Variants in ASPM observed in about 807,000 individuals in gnomAD.
ASPM encodes abnormal spindle-like microcephaly-associated protein.
In ASPM, 256 loss-of-function variants were observed where a neutral mutation model predicts 366.4. That is an observed-to-expected ratio of 0.70 (90% CI 0.63 to 0.77). ASPM has a LOEUF of 0.77. ASPM is among the 30% of genes least tolerant of loss of function. ASPM has a pLI of 0.00. For missense variants in ASPM, 4,146 were observed against 4,090.4 expected, an observed-to-expected ratio of 1.01 and a Z score of -0.37; for synonymous variants, 1,414 against 1,342.9, an observed-to-expected ratio of 1.05 and a Z score of -1.16.
rs764346876 is a variant in ASPM, at chr1:197,103,773, T to G, written c.5478A>C (p.Ile1826=). 60 of 1,612,854 alleles carry G rather than the reference T, an allele frequency of 3.7e-5. No homozygotes were observed. In the East Asian group the frequency reaches 1.3e-3, roughly 34 times the overall value. Residue 1826 remains isoleucine (I), a synonymous_variant, in exon 18 of 28, where the codon ATA becomes ATC. Coordinates refer to ENST00000367409, the MANE Select transcript of ASPM (RefSeq NM_018136.5). ...AAGCAGACTGAATTTTAAGAGCAGC[T>G]ATAGATTGTTGTTTGATTAGCTGGC... ...KVRQLIKQQS[I]AALKIQSAFR...
At chr1:197,106,337 G>C (rs1233141704) in intron 17 of ASPM, among the ~76,000 whole-genome samples, 1 of 152,020 alleles carries the variant, frequency 6.6e-6, no homozygotes. Context: ...TCCAACAACA[G>C]TCAAACTTAT....
rs1307251500 is a variant in ASPM, at chr1:197,142,999, T to C, written c.1253A>G (p.Glu418Gly). The change falls in exon 3 of 28, where the codon GAA becomes GGA. Residue 418 changes from glutamate (E) to glycine (G), a missense_variant. Glu to Gly is a moderately conservative substitution (Grantham distance 98, BLOSUM62 -2). Coordinates refer to ENST00000367409, the MANE Select transcript of ASPM (RefSeq NM_018136.5). Reference sequence around the variant, plus strand: ...AGGAGACTGTGGGACTTGAGAATTTTCATTTGATAATGGTACTTTACATGT... The same window carrying C: ...AGGAGACTGTGGGACTTGAGAATTTCCATTTGATAATGGTACTTTACATGT... Reference protein sequence around the residue: ...QQTCKVPLSNENSQVPQSPED... With the variant: ...QQTCKVPLSNGNSQVPQSPED... 1 of 1,613,864 alleles carries C rather than the reference T, an allele frequency of 6.2e-7. No individual in the cohort carries two copies. The highest frequency in any genetic ancestry group is 1.7e-5 in the Admixed American group (1 of 60,024).
rs1235898043 is a variant in ASPM, at chr1:197,128,592, C to A, written c.2834G>T (p.Gly945Val). ...ATGGTTAACAGGTAATCCCAATAAG[C>A]CAAGGTGACGGGAAAGGTCACCTTC... Reference protein sequence around the residue: ...SGEGDLSRHLGLLGLPVNHVQ... With the variant: ...SGEGDLSRHLVLLGLPVNHVQ... Residue 945 changes from glycine (G) to valine (V), a missense_variant, in exon 10 of 28, where the codon GGC (glycine) becomes GTC (valine). Transcript: ENST00000367409. 1 of 1,613,516 alleles carries A rather than the reference C, an allele frequency of 6.2e-7. No homozygotes were observed. Among genetic ancestry groups the A allele is most frequent in the Admixed American group, 1.7e-5 (1 of 59,962 alleles).
intron 16 of ASPM, 87 bp downstream of exon 16, chr1:197,121,828 T>G: frequency 2.0e-6 from 3 of 1,465,600 alleles, no homozygotes; most frequent in Non-Finnish European, 2.8e-6. Flanking sequence ...CATACATCCA[T>G]AAAATGTAAA....
chr1:197,087,039 C>T, intron 26 of ASPM, 67 bp from the exon 27 acceptor site: 27 of 1,372,750 alleles, frequency 2.0e-5, no homozygotes, highest in Non-Finnish European at 2.6e-5. Context: ...TTTAGACTAG[C>T]AAAATCAAAT....
intron 5 of ASPM, 44 bp from the exon 6 acceptor site, chr1:197,133,639 CT>C: frequency 6.3e-7 from 1 of 1,590,226 alleles, no homozygotes; most frequent in South Asian, 1.1e-5. Context: ...TAAACAATAT[CT>C]CTACATATTC....
chr1:197,137,265 T>C (rs1479702379), intron 4 of ASPM, among the ~76,000 whole-genome samples: 1 of 152,208 alleles, frequency 6.6e-6, no homozygotes, highest in Non-Finnish European at 1.5e-5. Context: ...GCATAGCTAA[T>C]GTACTATTGC....
At chr1:197,139,325 G>T in intron 4 of ASPM, 1 of 711,754 alleles carries the variant, frequency 1.4e-6, no homozygotes, top group Non-Finnish European at 2.4e-6. Flanking sequence ...GGCCGGGCGC[G>T]GTGGCTCACG....
chr1:197,126,874 A>T (rs1186771434), intron 10 of ASPM, among the ~76,000 whole-genome samples: 1 of 152,150 alleles, frequency 6.6e-6, no homozygotes, highest in South Asian at 2.1e-4. Context: ...CGGTCCTCTG[A>T]CCTCTGCTTG....
rs115246483 is a variant in ASPM at position 197,146,029 on chromosome 1, T to C, written c.297+112A>G. ...GTGAAAGGGAACTGACTTTATTCTC[T>C]AAGGGTCTTTTCTGATTTCTTCTCC... On this transcript the variant is annotated intron_variant, in intron 1 of 27. Coordinates refer to ENST00000367409, the MANE Select transcript of ASPM (RefSeq NM_018136.5). 620 of 1,372,964 alleles carry C rather than the reference T, an allele frequency of 4.5e-4. No individual in the cohort carries two copies. The African/African-American group carries it at 8.3e-3, about 18-fold the overall frequency. 85.0% of individuals were successfully genotyped at this position (1,372,964 alleles called of 1,614,324 possible). A position where few individuals can be genotyped will look rare whatever the true frequency, so the allele number is the denominator to read the frequency against.
Position 197,138,912 on chromosome 1 carries a change from T to G in ASPM, c.2026+855A>C. ...CTCCTGTTGAATCATTTTAAGATGCTTGAACTTGTCCTGCAGCTCTTTTTC... is the reference window on the plus strand; with the variant it reads ...CTCCTGTTGAATCATTTTAAGATGCGTGAACTTGTCCTGCAGCTCTTTTTC... On this transcript the variant is annotated intron_variant, in intron 4 of 27. Transcript: ENST00000367409. The G allele has an allele frequency of 3.3e-6, 3 of 895,766 alleles. No homozygotes were observed. In the South Asian group the frequency reaches 4.0e-5, roughly 12 times the overall value. 55.5% of individuals were successfully genotyped at this position (895,766 alleles called of 1,614,324 possible).
intron 17 of ASPM, among the ~76,000 whole-genome samples, chr1:197,115,543 T>C (rs556760980): frequency 7.2e-5 from 11 of 152,258 alleles, no homozygotes; most frequent in African/African-American, 2.4e-4. Flanking sequence ...TCACTATATA[T>C]TGCATCCATA....
At chr1:197,091,456 G>A (rs1049474803) in intron 22 of ASPM, among the ~76,000 whole-genome samples, 4 of 151,764 alleles carry the variant, frequency 2.6e-5, no homozygotes, top group Middle Eastern at 3.4e-3. Context: ...ATGGAAAAAC[G>A]GGCAAAGTGT....
At position 197,103,671 on chromosome 1, in the gene ASPM, C is replaced by A. The variant is rs149111545; in HGVS notation, c.5580G>T (p.Ala1860=). ...SIIKIQRWYR[A]YKTLHDTRTH... is the part of the protein sequence containing the mutation. ...TTCTTGTATCATGAAGAGTCTTGTA[C>A]GCCCTGTACCATCTCTGAATCTTTA... The change falls in exon 18 of 28, where the codon GCG becomes GCT. Residue 1860 remains alanine, a synonymous_variant. Transcript: ENST00000367409. 1 of 1,612,774 alleles carries A rather than the reference C, an allele frequency of 6.2e-7. No homozygotes were observed. The highest frequency in any genetic ancestry group is 1.1e-5 in the South Asian group (1 of 91,054).
intron 4 of ASPM, among the ~76,000 whole-genome samples, chr1:197,137,743 A>G (rs1455820011): frequency 6.6e-6 from 1 of 152,206 alleles, no homozygotes; most frequent in African/African-American, 2.4e-5. Context: ...GGCCTCCCAA[A>G]GTGCTGGGAC....
At position 197,133,456 on chromosome 1, in the gene ASPM, AC is replaced by A; in HGVS notation, c.2312del (p.Arg771LeufsTer24). 1 of 1,614,116 alleles carries A rather than the reference AC, an allele frequency of 6.2e-7. No individual in the cohort carries two copies. The highest frequency in any genetic ancestry group is 8.5e-7 in the Non-Finnish European group (1 of 1,180,008). Reference sequence around the variant, plus strand: ...TAACCATTTTTTCAGAAGTAAACAAACGGCATGCTGCACGACGTAGTCTGTT... The same window carrying A: ...TAACCATTTTTTCAGAAGTAAACAAAGGCATGCTGCACGACGTAGTCTGTT... The part of the protein sequence containing the change: ...RLNRLRRAAC[R>X]LFTSEKMVKA... On this transcript the variant is annotated frameshift_variant, in exon 6 of 28. Coordinates refer to ENST00000367409, the MANE Select transcript of ASPM (RefSeq NM_018136.5). LOFTEE classifies it high-confidence loss of function.
intron 27 of ASPM, 24 bp from the exon 28 acceptor site, chr1:197,084,450 T>C: frequency 7.4e-7 from 1 of 1,348,058 alleles, no homozygotes; most frequent in Non-Finnish European, 1.1e-6. Flanking sequence ...AAAAAAAGTC[T>C]GGCATTAATA....
In ASPM at chr1:197,101,708, GATA is replaced by G. The variant is rs1256028147; in HGVS notation, c.7540_7542del (p.Tyr2514del). The G allele has an allele frequency of 6.2e-7, 1 of 1,611,976 alleles. No individual in the cohort carries two copies. The highest frequency in any genetic ancestry group is 1.1e-5 in the South Asian group (1 of 91,036). On this transcript the variant is annotated inframe_deletion, in exon 18 of 28. Coordinates refer to ENST00000367409, the MANE Select transcript of ASPM (RefSeq NM_018136.5). ...TGTAATTTTGCAGCTCTATATGTTC[GATA>G]ATGTTGCTGAATTAGAATTGAAGCA...
chr1:197,090,994 A>C lies in ASPM; in HGVS notation c.9492T>G (p.Tyr3164Ter), dbSNP rs143931757. 1 of 1,612,370 alleles carries C rather than the reference A, an allele frequency of 6.2e-7. No homozygotes were observed. Among genetic ancestry groups the C allele is most frequent in the South Asian group, 1.1e-5 (1 of 91,032 alleles). ...RLQEKRFIQK[Y>*]HSIKKIEHEG... ...CATGCTCAATCTTTTTGATGCTATG[A>C]TATTTCTGAATAAATCTCTTTTCTT... Residue 3164 changes from tyrosine to a stop codon, truncating the protein, a stop_gained, in exon 23 of 28, where the codon TAT (tyrosine) becomes TAG (stop). Coordinates refer to ENST00000367409, the MANE Select transcript of ASPM (RefSeq NM_018136.5). LOFTEE classifies it high-confidence loss of function.
Sources: allele counts gnomAD v4.1 joint callset (sites outside exome capture counted in the v4.1 genomes callset), GRCh38; gene constraint gnomAD v4.1.1; transcripts MANE v1.5; gene names NCBI Gene and HGNC (gene_info 2026-07-23, HGNC 2026-07-21).